Variants in RAPGEF6 observed in about 807,000 individuals in gnomAD.
RAPGEF6 encodes the protein PDZ domain containing guanine nucleotide exchange factor (GEF) 2.
A neutral mutation model predicts 171.4 loss-of-function variants in RAPGEF6; 56 were observed. That is an observed-to-expected ratio of 0.33 (90% CI 0.26 to 0.41). The LOEUF is 0.41. RAPGEF6 is among the 10% of genes least tolerant of loss of function. RAPGEF6 has a pLI of 1.00. For synonymous variants in RAPGEF6, 692 were observed against 650.1 expected (o/e 1.06, Z -0.98); for missense variants, 1,674 against 1,921.4 (o/e 0.87, Z 2.41).
intron 13 of RAPGEF6, among the ~76,000 whole-genome samples, chr5:131,493,186 T>C (rs1756407350): frequency 6.6e-6 from 1 of 152,106 alleles, no homozygotes; most frequent in Non-Finnish European, 1.5e-5. Flanking sequence ...TGCCTCAGCC[T>C]CCCGAGTAGC....
At chr5:131,544,888 A>G (rs191974464) in intron 6 of RAPGEF6, among the ~76,000 whole-genome samples, 1 of 152,092 alleles carries the variant, frequency 6.6e-6, no homozygotes, top group Admixed American at 6.6e-5. Flanking sequence ...TCACCATGTT[A>G]GCCAGACTGG....
Position 131,635,055 on chromosome 5 carries a change from C to A in RAPGEF6, c.-25G>T, listed in dbSNP as rs1766554455. On this transcript the variant is annotated 5_prime_UTR_variant, in exon 1 of 28. Coordinates refer to ENST00000509018, the MANE Select transcript of RAPGEF6 (RefSeq NM_016340.6). The stretch of plus-strand genomic sequence containing the variant: ...TGGCCACGGCCCGGGTACTCCGCAG[C>A]CTGCCCTTAGCAGCCCACGCCACAG... The A allele has an allele frequency of 1.9e-6, 3 of 1,592,442 alleles. No homozygotes were observed. The highest frequency in any genetic ancestry group is 2.6e-6 in the Non-Finnish European group (3 of 1,165,586).
At chr5:131,431,478 G>C (rs1751705302) in intron 25 of RAPGEF6, 129 bp from the exon 26 acceptor site, 4 of 963,556 alleles carry the variant, frequency 4.2e-6, no homozygotes, top group Non-Finnish European at 6.1e-6. Context: ...ATAACATCGT[G>C]AGGAAAACAA....
At chr5:131,497,190 T>C (rs751540391) in intron 12 of RAPGEF6, among the ~76,000 whole-genome samples, 1 of 152,236 alleles carries the variant, frequency 6.6e-6, no homozygotes, top group African/African-American at 2.4e-5. Flanking sequence ...GAAATGTCTA[T>C]ACAAGTCCTT....
rs1363887210 is a variant in RAPGEF6 at position 131,442,450 on chromosome 5, G to C, written c.3509C>G (p.Ala1170Gly). The C allele has an allele frequency of 2.5e-6, 4 of 1,614,024 alleles. No individual in the cohort carries two copies. The highest frequency in any genetic ancestry group is 3.4e-6 in the Non-Finnish European group (4 of 1,180,030). Residue 1170 changes from alanine to glycine, a missense_variant, in exon 23 of 28, where the codon GCC (alanine) becomes GGC (glycine). Transcript: ENST00000509018. ...TACTCTGTGGGGTTGATGCAAGTGG[G>C]CTTTAGTTGTTTGGCCAGCTGACCT... Reference protein sequence around the residue: ...PMRSAGQTTKAHLHQPHRVSQ... With the variant: ...PMRSAGQTTKGHLHQPHRVSQ...
chr5:131,534,128 G>T (rs1759594551), intron 6 of RAPGEF6, among the ~76,000 whole-genome samples: 1 of 152,000 alleles, frequency 6.6e-6, no homozygotes. Context: ...TAATTATTTT[G>T]CTTTATTTAC....
chr5:131,576,039 A>G (rs11744232), intron 4 of RAPGEF6, among the ~76,000 whole-genome samples: 95,704 of 152,042 alleles, frequency 0.63, 32,182 homozygotes, highest in Non-Finnish European at 0.77. Flanking sequence ...CGTACTCACT[A>G]TTCATTGAAA....
chr5:131,577,000 C>A (rs558570696), intron 4 of RAPGEF6, among the ~76,000 whole-genome samples: 11 of 152,158 alleles, frequency 7.2e-5, no homozygotes, highest in African/African-American at 2.4e-4. Flanking sequence ...GATCTGCCCC[C>A]ACACAAGACT....
chr5:131,591,385 A>T (rs534106163), intron 4 of RAPGEF6, among the ~76,000 whole-genome samples: 2 of 152,364 alleles, frequency 1.3e-5, no homozygotes, highest in East Asian at 3.9e-4. Context: ...AATAATTAAC[A>T]ATTACTTCTA....
In RAPGEF6 at chr5:131,617,761, A is replaced by C. The variant is rs1236065376; in HGVS notation, c.70-13068T>G. Among the ~76,000 whole-genome samples the C allele has an allele frequency of 2.0e-5, 3 of 152,242 alleles. No individual in the cohort carries two copies. In the East Asian group the frequency reaches 5.8e-4, roughly 29 times the overall value. ...ATACAAAATTTTTAAATGTTTATTA[A>C]ATGTGCAGCAGAGAGGCTATCACAT... On this transcript the variant is annotated intron_variant, in intron 1 of 27. Transcript: ENST00000509018.
At chr5:131,464,850 C>T (rs1580865980) in intron 17 of RAPGEF6, among the ~76,000 whole-genome samples, 1 of 152,114 alleles carries the variant, frequency 6.6e-6, no homozygotes, top group South Asian at 2.1e-4. Context: ...AACTGTTCTC[C>T]AGAGACGTTA....
chr5:131,556,332 G>A (rs984244230), intron 5 of RAPGEF6, among the ~76,000 whole-genome samples: 10 of 151,976 alleles, frequency 6.6e-5, no homozygotes, highest in South Asian at 2.1e-4. Flanking sequence ...TCAGCTACTC[G>A]GGAGGCTGAG....
At chr5:131,459,177 A>ACT (rs1753727398) in intron 19 of RAPGEF6, among the ~76,000 whole-genome samples, 1 of 152,244 alleles carries the variant, frequency 6.6e-6, no homozygotes. Flanking sequence ...AATATGTGTT[A>ACT]GATTTCAGTA....
chr5:131,575,030 C>T (rs527269051), intron 4 of RAPGEF6, among the ~76,000 whole-genome samples: 1 of 152,178 alleles, frequency 6.6e-6, no homozygotes, highest in African/African-American at 2.4e-5. Context: ...ACCAAATTGT[C>T]TTACCTATCC....
Position 131,439,660 on chromosome 5 carries a change from C to T in RAPGEF6, c.3666G>A (p.Lys1222=), listed in dbSNP as rs767717298. The T allele has an allele frequency of 3.1e-6, 5 of 1,612,582 alleles. No homozygotes were observed. Among genetic ancestry groups the T allele is most frequent in the Non-Finnish European group, 4.2e-6 (5 of 1,179,358 alleles). Reference sequence around the variant, plus strand: ...CCACAGAAATAGTGTCTTCTGTATGCTTCTTACCACTTATTTCTTCAGTTG... The same window carrying T: ...CCACAGAAATAGTGTCTTCTGTATGTTTCTTACCACTTATTTCTTCAGTTG... ...LGTTEEISGK[K]HTEDTISVAS... Residue 1222 remains lysine (K), a synonymous_variant, in exon 24 of 28, where the codon AAG becomes AAA. Transcript: ENST00000509018.
At chr5:131,444,086 C>G (rs1028099644) in intron 22 of RAPGEF6, among the ~76,000 whole-genome samples, 3 of 152,102 alleles carry the variant, frequency 2.0e-5, no homozygotes, top group African/African-American at 7.2e-5. Flanking sequence ...GCAGGTGCAG[C>G]CTCAGTACTT....
chr5:131,631,946 C>G (rs914446248), intron 1 of RAPGEF6, among the ~76,000 whole-genome samples: 5 of 151,962 alleles, frequency 3.3e-5, no homozygotes, highest in Admixed American at 1.3e-4. Context: ...CGTGTTGGCA[C>G]ACACCTGTAG....
At chr5:131,451,274 C>A (rs900923190) in intron 21 of RAPGEF6, among the ~76,000 whole-genome samples, 6 of 152,034 alleles carry the variant, frequency 3.9e-5, no homozygotes, top group African/African-American at 1.4e-4. Flanking sequence ...ACCATCAGAT[C>A]AACTACTTGC....
intron 4 of RAPGEF6, among the ~76,000 whole-genome samples, chr5:131,583,957 T>A (rs1425337925): frequency 2.0e-5 from 3 of 152,178 alleles, no homozygotes; most frequent in Admixed American, 6.5e-5. Flanking sequence ...ATGTTTCACC[T>A]TACACAAAAA....
Sources: gnomAD v4.1 joint callset for allele counts (sites outside exome capture counted in the v4.1 genomes callset) on GRCh38, gnomAD v4.1.1 for gene constraint, MANE v1.5 for transcripts, NCBI Gene and HGNC (gene_info 2026-07-23, HGNC 2026-07-21) for gene names.